SLCO3A1: variants seen among roughly 807,000 people sequenced by gnomAD.
SLCO3A1 encodes the protein PGE1 transporter.
Under a neutral mutation model 63.1 loss-of-function variants are expected in SLCO3A1, and 27 were observed. The ratio of observed to expected loss-of-function variants is 0.43; its 90% CI spans 0.32 to 0.59. The LOEUF is 0.59. Among genes scored for constraint, SLCO3A1 ranks in the 20% least tolerant of loss-of-function variants. The probability of loss-of-function intolerance (pLI) is 0.09; values close to 1 mark genes in which losing one functional copy is unlikely to be tolerated. For missense variants in SLCO3A1, 773 were observed against 945.8 expected, an observed-to-expected ratio of 0.82 and a Z score of 2.40; for synonymous variants, 473 against 409.9, an observed-to-expected ratio of 1.15 and a Z score of -1.86.
intron 4 of SLCO3A1, among the ~76,000 whole-genome samples, chr15:92,117,277 G>GC (rs1336625470): frequency 2.0e-5 from 3 of 152,172 alleles, no homozygotes; most frequent in Non-Finnish European, 2.9e-5. Flanking sequence ...GAGCCAAAGA[G>GC]CAAAGTTGCT....
intron 1 of SLCO3A1, among the ~76,000 whole-genome samples, chr15:91,867,474 A>C (rs1329821834): frequency 6.6e-6 from 1 of 151,626 alleles, no homozygotes; most frequent in African/African-American, 2.4e-5. Context: ...TTGCAAGATG[A>C]GCTAACATTA....
At chr15:92,034,522 A>C (rs1325359776) in intron 2 of SLCO3A1, among the ~76,000 whole-genome samples, 8 of 151,642 alleles carry the variant, frequency 5.3e-5, no homozygotes, top group African/African-American at 1.9e-4. Context: ...TGTAAGAAAA[A>C]GGGAGCCTGC....
chr15:91,867,591 AAACT>A (rs1897196608), intron 1 of SLCO3A1, among the ~76,000 whole-genome samples: 1 of 152,220 alleles, frequency 6.6e-6, no homozygotes, highest in Non-Finnish European at 1.5e-5. Context: ...GTAACAGAAC[AAACT>A]GTGTTCACAC....
intron 2 of SLCO3A1, among the ~76,000 whole-genome samples, chr15:92,031,028 G>GAGGC (rs2046641105): frequency 6.7e-6 from 1 of 148,256 alleles, no homozygotes; most frequent in East Asian, 2.0e-4. Context: ...GGGAGGGAGG[G>GAGGC]AGGGAGGGAG....
intron 3 of SLCO3A1, among the ~76,000 whole-genome samples, chr15:92,102,071 C>CT (rs2047611695): frequency 6.6e-6 from 1 of 152,166 alleles, no homozygotes; most frequent in African/African-American, 2.4e-5. Context: ...GCTAGGATTT[C>CT]TCTCTCTTTA....
rs534554111 is a variant in SLCO3A1 at position 91,894,282 on chromosome 15, G to A, written c.181-21711G>A. Among the ~76,000 whole-genome samples the A allele has an allele frequency of 1.3e-4, 20 of 152,270 alleles. No homozygotes were observed. The highest frequency in any genetic ancestry group is 3.4e-3 in the Middle Eastern group (1 of 294). ...AGCATCTTGCAGGCCAGGAGGGTCC[G>A]GAGTTAGGATTTTATTCCAGGCCCA... On this transcript the variant is annotated intron_variant, in intron 1 of 9. Coordinates refer to ENST00000318445, the MANE Select transcript of SLCO3A1 (RefSeq NM_013272.4). This position sits in a 1 kb window ranked among gnomAD's most constrained non-coding sequence, Gnocchi z 4.8.
chr15:91,909,718 G>A (rs972430049), intron 1 of SLCO3A1, among the ~76,000 whole-genome samples: 3 of 152,170 alleles, frequency 2.0e-5, no homozygotes, highest in African/African-American at 7.2e-5. Flanking sequence ...AGAGCATCCT[G>A]CTCTCACCCT....
intron 2 of SLCO3A1, among the ~76,000 whole-genome samples, chr15:91,936,715 G>T (rs1253707469): frequency 6.6e-6 from 1 of 152,216 alleles, no homozygotes; most frequent in East Asian, 1.9e-4. Flanking sequence ...TCTCCAAGGT[G>T]AAGGCTGAGG....
At chr15:92,157,266 AAGAG>A (rs1173017845) in intron 9 of SLCO3A1, 4 of 152,178 alleles carry the variant, frequency 2.6e-5, no homozygotes, top group African/African-American at 7.2e-5. Context: ...AGATAAAAAA[AAGAG>A]AGAGAACTGC....
intron 2 of SLCO3A1, among the ~76,000 whole-genome samples, chr15:91,987,000 C>CCAGGCAGGGACA (rs921546636): frequency 6.6e-6 from 1 of 152,066 alleles, no homozygotes; most frequent in African/African-American, 2.4e-5. Flanking sequence ...CTCAGTGTAT[C>CCAGGCAGGGACA]CAGGCAGGGA....
At chr15:91,905,573 T>A (rs186854211) in intron 1 of SLCO3A1, among the ~76,000 whole-genome samples, 1 of 152,152 alleles carries the variant, frequency 6.6e-6, no homozygotes, top group East Asian at 1.9e-4. Flanking sequence ...AATCCCTGGA[T>A]GGACCTGTGG....
chr15:91,911,487 A>T (rs891689548), intron 1 of SLCO3A1, among the ~76,000 whole-genome samples: 1 of 152,126 alleles, frequency 6.6e-6, no homozygotes, highest in Admixed American at 6.5e-5. Flanking sequence ...TTTACTGCCA[A>T]TGAAGGTTGA....
At chr15:92,146,877 T>C (rs1162706127) in intron 7 of SLCO3A1, 107 bp from the exon 8 acceptor site, 2 of 1,005,430 alleles carry the variant, frequency 2.0e-6, no homozygotes, top group Non-Finnish European at 2.9e-6. Flanking sequence ...ATTAATGGAA[T>C]GCCACAGAAT....
chr15:92,077,912 C>T (rs554848698), intron 2 of SLCO3A1, among the ~76,000 whole-genome samples: 2 of 152,198 alleles, frequency 1.3e-5, no homozygotes, highest in African/African-American at 4.8e-5. Flanking sequence ...GACCTGGGCT[C>T]CTACGCAGTT....
At chr15:92,017,169 C>T (rs1412852535) in intron 2 of SLCO3A1, among the ~76,000 whole-genome samples, 2 of 152,134 alleles carry the variant, frequency 1.3e-5, no homozygotes, top group African/African-American at 4.8e-5. Flanking sequence ...GCAGCTTCAG[C>T]TGCTGCAGGG....
At chr15:92,053,221 G>T (rs2046979248) in intron 2 of SLCO3A1, among the ~76,000 whole-genome samples, 1 of 152,164 alleles carries the variant, frequency 6.6e-6, no homozygotes, top group South Asian at 2.1e-4. Context: ...TGGGGAGATA[G>T]ACATCAATCA....
At chr15:91,884,151 G>T (rs1323913940) in intron 1 of SLCO3A1, among the ~76,000 whole-genome samples, 1 of 152,156 alleles carries the variant, frequency 6.6e-6, no homozygotes, top group African/African-American at 2.4e-5. Flanking sequence ...GGATTCCGAG[G>T]TCCTGAGAGT....
chr15:91,952,116 T>A (rs146970070), intron 2 of SLCO3A1, among the ~76,000 whole-genome samples: 280 of 152,370 alleles, frequency 1.8e-3, no homozygotes, highest in Middle Eastern at 6.8e-3. Context: ...TAATGACTAA[T>A]GATGTTAAGC....
intron 2 of SLCO3A1, among the ~76,000 whole-genome samples, chr15:91,973,025 G>A (rs1229682466): frequency 2.6e-5 from 4 of 152,224 alleles, no homozygotes. Context: ...GGAGGCAGGA[G>A]AATCGCTTGA....
Sources: gnomAD v4.1 joint callset for allele counts (sites outside exome capture counted in the v4.1 genomes callset) on GRCh38, gnomAD v4.1.1 for gene constraint, Gnocchi (gnomAD v3.1) non-coding constraint, MANE v1.5 for transcripts, NCBI Gene and HGNC (gene_info 2026-07-23, HGNC 2026-07-21) for gene names.